Variants in OLFM3 observed in about 807,000 individuals in gnomAD.
OLFM3 encodes the protein noelin-3.
OLFM3 carries 20 observed loss-of-function variants against 48.6 expected under a neutral mutation model. The ratio of observed to expected loss-of-function variants is 0.41; its 90% CI spans 0.29 to 0.60. The LOEUF is 0.60. OLFM3 is among the 20% of genes least tolerant of loss of function. The probability of loss-of-function intolerance (pLI) is 0.28; values close to 1 mark genes in which losing one functional copy is unlikely to be tolerated. For synonymous variants in OLFM3, 222 were observed against 198.1 expected (o/e 1.12, Z -1.01); for missense variants, 437 against 544.3 (o/e 0.80, Z 1.96).
intron 1 of OLFM3, among the ~76,000 whole-genome samples, chr1:101,988,186 T>C (rs1661305089): frequency 1.3e-5 from 2 of 152,066 alleles, no homozygotes; most frequent in Admixed American, 6.6e-5. Flanking sequence ...AATATATGAA[T>C]TTATCAAATA....
intron 3 of OLFM3, among the ~76,000 whole-genome samples, chr1:101,830,161 C>A (rs528014512): frequency 2.6e-5 from 4 of 152,230 alleles, no homozygotes; most frequent in Non-Finnish European, 5.9e-5. Context: ...AAATTCATAA[C>A]TCTTTCATAT....
chr1:101,821,324 A>G (rs1246748291), intron 4 of OLFM3, among the ~76,000 whole-genome samples: 1 of 152,076 alleles, frequency 6.6e-6, no homozygotes, highest in African/African-American at 2.4e-5. Flanking sequence ...TTGTCTATAT[A>G]CATACATATA....
intron 1 of OLFM3, among the ~76,000 whole-genome samples, chr1:101,911,592 A>G (rs1658762132): frequency 6.6e-6 from 1 of 152,178 alleles, no homozygotes; most frequent in South Asian, 2.1e-4. Context: ...TAACCTCGCA[A>G]CAGTCCCCAA....
intron 1 of OLFM3, among the ~76,000 whole-genome samples, chr1:101,847,590 T>A (rs747573461): frequency 1.3e-5 from 2 of 152,160 alleles, no homozygotes; most frequent in East Asian, 3.8e-4. Context: ...TAGTCAAAGA[T>A]TAATAGCTAC....
chr1:101,867,662 C>T (rs1360549612), intron 1 of OLFM3, among the ~76,000 whole-genome samples: 1 of 152,154 alleles, frequency 6.6e-6, no homozygotes, highest in African/African-American at 2.4e-5. Flanking sequence ...TGAATTCTGC[C>T]TCTACTACCC....
At chr1:101,988,516 TCA>T (rs1661312421) in intron 1 of OLFM3, among the ~76,000 whole-genome samples, 1 of 152,140 alleles carries the variant, frequency 6.6e-6, no homozygotes, top group East Asian at 1.9e-4. Flanking sequence ...GTTCTTAAAC[TCA>T]GTCTTACTTC....
chr1:101,901,984 A>T (rs1010313189), intron 1 of OLFM3, among the ~76,000 whole-genome samples: 1 of 152,074 alleles, frequency 6.6e-6, no homozygotes, highest in Non-Finnish European at 1.5e-5. Flanking sequence ...ATGAGATAAA[A>T]AAACTTCAGA....
At chr1:101,944,961 A>T (rs1276230629) in intron 1 of OLFM3, among the ~76,000 whole-genome samples, 1 of 152,158 alleles carries the variant, frequency 6.6e-6, no homozygotes, top group Admixed American at 6.6e-5. Context: ...ATTATTTGTC[A>T]TTGGGAAACA....
intron 1 of OLFM3, among the ~76,000 whole-genome samples, chr1:101,952,616 C>T (rs1025819307): frequency 6.6e-6 from 1 of 151,660 alleles, no homozygotes; most frequent in Non-Finnish European, 1.5e-5. Flanking sequence ...ATAAACATAT[C>T]CAAGACAAAA....
At chr1:101,949,760 C>T (rs12141970) in intron 1 of OLFM3, among the ~76,000 whole-genome samples, 78,994 of 151,386 alleles carry the variant, frequency 0.52, 20,997 homozygotes, top group Middle Eastern at 0.62. Context: ...GAAACCCCGT[C>T]TCTACTAAAA....
intron 1 of OLFM3, among the ~76,000 whole-genome samples, chr1:101,858,967 C>A (rs1656538673): frequency 6.6e-6 from 1 of 152,050 alleles, no homozygotes; most frequent in Admixed American, 6.6e-5. Flanking sequence ...TAGTGGATTT[C>A]CATGGCTTCA....
intron 1 of OLFM3, among the ~76,000 whole-genome samples, chr1:101,879,580 C>G (rs998300425): frequency 6.6e-6 from 1 of 151,658 alleles, no homozygotes; most frequent in African/African-American, 2.4e-5. Context: ...ATCATGTATT[C>G]CTATCTTTTA....
intron 1 of OLFM3, among the ~76,000 whole-genome samples, chr1:101,983,313 C>G (rs191305960): frequency 1.5e-3 from 235 of 152,290 alleles, no homozygotes; most frequent in Non-Finnish European, 2.9e-3. Context: ...GTTAACCTTT[C>G]TTTAAGGATT....
chr1:101,845,125 AT>A (rs931294970), intron 1 of OLFM3, among the ~76,000 whole-genome samples: 5 of 151,680 alleles, frequency 3.3e-5, no homozygotes, highest in Admixed American at 3.3e-4. Flanking sequence ...CCTTTTCTAC[AT>A]TTTCTGCTTT....
chr1:101,927,326 A>G (rs146935374), intron 1 of OLFM3, among the ~76,000 whole-genome samples: 8 of 152,272 alleles, frequency 5.3e-5, no homozygotes, highest in Middle Eastern at 3.4e-3. Context: ...TTAATCTAGA[A>G]TATAGATTTT....
chr1:101,884,570 A>T (rs1176848257), intron 1 of OLFM3, among the ~76,000 whole-genome samples: 2 of 152,054 alleles, frequency 1.3e-5, no homozygotes, highest in Non-Finnish European at 2.9e-5. Flanking sequence ...GAGCACCAGG[A>T]TTTAAGACAG....
At chr1:101,820,546 C>G (rs542862281) in intron 4 of OLFM3, among the ~76,000 whole-genome samples, 1 of 152,132 alleles carries the variant, frequency 6.6e-6, no homozygotes, top group Non-Finnish European at 1.5e-5. Flanking sequence ...TAGAAAAGGA[C>G]ATTACTGTAC....
chr1:101,869,277 C>T (rs1656978784), intron 1 of OLFM3, among the ~76,000 whole-genome samples: 3 of 152,188 alleles, frequency 2.0e-5, no homozygotes, highest in Non-Finnish European at 4.4e-5. Context: ...AGCAGAGCTA[C>T]CCAAGGCTCT....
At position 101,896,563 on chromosome 1, in the gene OLFM3, C is replaced by T. The variant is rs1005100896; in HGVS notation, c.70-59538G>A. On this transcript the variant is annotated intron_variant, in intron 1 of 5. Transcript: ENST00000370103. ...AGGCTGAAGTGCAGTGGCGCGATCT[C>T]GGCTCACTGCAAACTCCGCCTCTCC... Among the ~76,000 whole-genome samples the T allele has an allele frequency of 4.3e-5, 6 of 139,274 alleles. No individual in the cohort carries two copies. The East Asian group carries it at 1.1e-3, about 24-fold the overall frequency. 91.4% of individuals were successfully genotyped at this position (139,274 alleles called of 152,430 possible). A position where few individuals can be genotyped will look rare whatever the true frequency, so the allele number is the denominator to read the frequency against.
Sources: allele counts gnomAD v4.1 joint callset (sites outside exome capture counted in the v4.1 genomes callset), GRCh38; gene constraint gnomAD v4.1.1; transcripts MANE v1.5; gene names NCBI Gene and HGNC (gene_info 2026-07-23, HGNC 2026-07-21).